The following PRKCB variants were observed in gnomAD, a reference collection of about 807,000 sequenced individuals.
PRKCB encodes protein kinase C beta, also known as protein kinase C beta type.
A neutral mutation model predicts 81.5 loss-of-function variants in PRKCB; 13 were observed. The observed-to-expected ratio is 0.16, with a 90% CI of 0.10 to 0.25. The LOEUF is 0.25. Among genes scored for constraint, PRKCB ranks in the 10% least tolerant of loss-of-function variants. The probability of loss-of-function intolerance (pLI) is 1.00; values close to 1 mark genes in which losing one functional copy is unlikely to be tolerated. For synonymous variants in PRKCB, 335 were observed against 321.4 expected (o/e 1.04, Z -0.45); for missense variants, 509 against 875.7 (o/e 0.58, Z 5.29).
intron 2 of PRKCB, among the ~76,000 whole-genome samples, chr16:23,876,131 C>G (rs183607630): frequency 6.6e-6 from 1 of 152,274 alleles, no homozygotes; most frequent in East Asian, 1.9e-4. Context: ...TTTTTGGACC[C>G]CTGTCTATGT....
At chr16:23,867,594 T>C (rs1162710736) in intron 2 of PRKCB, among the ~76,000 whole-genome samples, 1 of 152,258 alleles carries the variant, frequency 6.6e-6, no homozygotes, top group Non-Finnish European at 1.5e-5. Flanking sequence ...GTGTTTGTGT[T>C]GTCTATTTTC....
intron 2 of PRKCB, among the ~76,000 whole-genome samples, chr16:23,940,583 G>C (rs1964128932): frequency 6.6e-6 from 1 of 151,792 alleles, no homozygotes; most frequent in Admixed American, 6.6e-5. Context: ...AAACAAAAGA[G>C]CCAATAAAAC....
At chr16:24,170,508 G>A (rs934958324) in intron 10 of PRKCB, among the ~76,000 whole-genome samples, 10 of 151,954 alleles carry the variant, frequency 6.6e-5, no homozygotes, top group Non-Finnish European at 1.2e-4. Flanking sequence ...AAGGAACGTA[G>A]CGTAAAGGAG....
intron 2 of PRKCB, among the ~76,000 whole-genome samples, chr16:23,924,097 G>A (rs2141748774): frequency 6.6e-6 from 1 of 152,090 alleles, no homozygotes; most frequent in South Asian, 2.1e-4. Context: ...AGAACTGGTG[G>A]GAGGTGAATG....
chr16:23,937,989 G>A (rs1964085723), intron 2 of PRKCB, among the ~76,000 whole-genome samples: 1 of 152,124 alleles, frequency 6.6e-6, no homozygotes, highest in African/African-American at 2.4e-5. Flanking sequence ...TTGTGGAGGT[G>A]GGAGAAGAGT....
chr16:24,010,689 T>C (rs16973090), intron 3 of PRKCB, among the ~76,000 whole-genome samples: 11,304 of 152,162 alleles, frequency 0.074, 832 homozygotes, highest in African/African-American at 0.19. Context: ...TCGTGTCCAG[T>C]GAGATCTGCA....
At chr16:23,956,515 A>G (rs1964351331) in intron 2 of PRKCB, among the ~76,000 whole-genome samples, 1 of 152,224 alleles carries the variant, frequency 6.6e-6, no homozygotes, top group Admixed American at 6.5e-5. Flanking sequence ...ACAGTGCAAC[A>G]GTGAACACTC....
At chr16:23,839,199 A>G (rs534129839) in intron 2 of PRKCB, among the ~76,000 whole-genome samples, 131 of 152,224 alleles carry the variant, frequency 8.6e-4, no homozygotes, top group African/African-American at 3.0e-3. Context: ...CTGGAAGATA[A>G]TAGGAATTTT....
intron 8 of PRKCB, 140 bp from the exon 9 acceptor site, chr16:24,123,694 TG>T: frequency 1.3e-6 from 1 of 778,600 alleles, no homozygotes; most frequent in Non-Finnish European, 2.0e-6. Flanking sequence ...TTCAGGCTTG[TG>T]GAGTGATGCA....
intron 2 of PRKCB, among the ~76,000 whole-genome samples, chr16:23,911,956 C>A (rs978752658): frequency 1.3e-5 from 2 of 150,924 alleles, no homozygotes; most frequent in African/African-American, 2.4e-5. Context: ...CTCAGCCTCC[C>A]GAGTAGCTGG....
At chr16:23,949,596 C>T (rs1164572443) in intron 2 of PRKCB, among the ~76,000 whole-genome samples, 1 of 152,154 alleles carries the variant, frequency 6.6e-6, no homozygotes, top group Non-Finnish European at 1.5e-5. Flanking sequence ...CTATTGTTAA[C>T]AATTCAACCA....
chr16:23,883,188 TA>T (rs1963150971), intron 2 of PRKCB, among the ~76,000 whole-genome samples: 2 of 152,090 alleles, frequency 1.3e-5, no homozygotes, highest in African/African-American at 4.8e-5. Context: ...CCACTGGCGA[TA>T]AATGTCATGA....
At chr16:23,932,811 T>G (rs1236185450) in intron 2 of PRKCB, among the ~76,000 whole-genome samples, 4 of 152,180 alleles carry the variant, frequency 2.6e-5, no homozygotes, top group Non-Finnish European at 5.9e-5. Flanking sequence ...ACTTATTCCT[T>G]TGCTTGAACT....
chr16:24,139,424 C>A (rs751892341), intron 9 of PRKCB, among the ~76,000 whole-genome samples: 3 of 152,138 alleles, frequency 2.0e-5, no homozygotes, highest in Non-Finnish European at 4.4e-5. Context: ...AATACCAGGG[C>A]CAGGTATTTC....
chr16:24,037,752 C>A (rs186269205), intron 5 of PRKCB, among the ~76,000 whole-genome samples: 1 of 151,942 alleles, frequency 6.6e-6, no homozygotes, highest in East Asian at 1.9e-4. Context: ...ACTTTGAGAA[C>A]CTGGATCACA....
At chr16:23,991,678 C>G (rs1169889460) in intron 3 of PRKCB, among the ~76,000 whole-genome samples, 1 of 152,192 alleles carries the variant, frequency 6.6e-6, no homozygotes. Flanking sequence ...TAAATAATGT[C>G]CTCAAGAACC....
intron 2 of PRKCB, among the ~76,000 whole-genome samples, chr16:23,951,746 T>G (rs879502430): frequency 6.6e-6 from 1 of 151,824 alleles, no homozygotes; most frequent in Non-Finnish European, 1.5e-5. Context: ...AATTAATTGA[T>G]AGTAACTCTT....
chr16:23,882,645 T>C (rs1007480458), intron 2 of PRKCB, among the ~76,000 whole-genome samples: 17 of 152,250 alleles, frequency 1.1e-4, no homozygotes, highest in Non-Finnish European at 2.4e-4. Flanking sequence ...ATTGTATGAA[T>C]AGGCAACATT....
At chr16:24,061,910 T>TA (rs1210402981) in intron 5 of PRKCB, among the ~76,000 whole-genome samples, 5,334 of 93,834 alleles carry the variant, frequency 0.057, 129 homozygotes, top group East Asian at 0.11. Context: ...CTTAAATAAA[T>TA]AAAAAAAAAA....
Sources: allele counts gnomAD v4.1 joint callset (sites outside exome capture counted in the v4.1 genomes callset), GRCh38; gene constraint gnomAD v4.1.1; transcripts MANE v1.5; gene names NCBI Gene and HGNC (gene_info 2026-07-23, HGNC 2026-07-21).